The following KIFC1 variants were observed in gnomAD, a reference collection of about 807,000 sequenced individuals.
KIFC1 encodes the protein kinesin family member C1.
In KIFC1, 37 loss-of-function variants were observed where a neutral mutation model predicts 66.6. The observed-to-expected ratio is 0.56, with a 90% CI of 0.43 to 0.73. The LOEUF is 0.73. KIFC1 is among the 30% of genes least tolerant of loss of function. KIFC1 has a pLI of 0.00. For synonymous variants in KIFC1, 325 were observed against 343.5 expected (o/e 0.95, Z 0.60); for missense variants, 721 against 859.8 (o/e 0.84, Z 2.02).
At position 33,406,254 on chromosome 6, in the gene KIFC1, A is replaced by G. The variant is rs761826546; in HGVS notation, c.1595A>G (p.Asn532Ser). The change falls in exon 8 of 11, where the codon AAT becomes AGT. Residue 532 changes from asparagine (N) to serine (S), a missense_variant. Transcript: ENST00000428849. The surrounding 1 kb of genome is among the most constrained non-coding windows in gnomAD (Gnocchi z 4.5). ...CGGGCTGTGGCCCGCACAGCCCAGAATGAACGGTCATCACGCAGCCACAGT... is the reference window on the plus strand; with the variant it reads ...CGGGCTGTGGCCCGCACAGCCCAGAGTGAACGGTCATCACGCAGCCACAGT... ...QNRAVARTAQ[N>S]ERSSRSHSVF... 5.0e-6 allele frequency: 8 copies of G among 1,614,066 alleles called. No homozygotes were observed. In the Admixed American group the frequency reaches 1.2e-4, roughly 24 times the overall value.
rs1775838864 is a variant in KIFC1 at position 33,409,706 on chromosome 6, T to TGTGTGTG, written c.*17_*23dup. On this transcript the variant is annotated 3_prime_UTR_variant, in exon 11 of 11. Transcript: ENST00000428849. ...CAGGAAGTGAAGACGGATCCAGATCTGTGTGTGTGTGTGTGTGTGTGTGTG... is the reference window on the plus strand; with the variant it reads ...CAGGAAGTGAAGACGGATCCAGATCTGTGTGTGGTGTGTGTGTGTGTGTGTGTGTGTG... 1 of 151,446 alleles carries TGTGTGTG rather than the reference T, an allele frequency of 6.6e-6. No individual in the cohort carries two copies. The highest frequency in any genetic ancestry group is 2.0e-4 in the African/African-American group (1 of 4,880). The allele number at this position is 151,446 out of a possible 1,614,324, so 9.4% of individuals were successfully genotyped here. A position where few individuals can be genotyped will look rare whatever the true frequency, so the allele number is the denominator to read the frequency against.
At position 33,404,640 on chromosome 6, in the gene KIFC1, C is replaced by T. The variant is rs1775548199; in HGVS notation, c.757-212C>T. Among the ~76,000 whole-genome samples the T allele has an allele frequency of 6.6e-6, 1 of 152,180 alleles. No homozygotes were observed. The highest frequency in any genetic ancestry group is 6.5e-5 in the Admixed American group (1 of 15,278). ...TTCTGGGTGTCACCCTAGATATCAT[C>T]TTCCTTGTGCTCCTCTTTGTGCTTG... On this transcript the variant is annotated intron_variant, in intron 6 of 10. Coordinates refer to ENST00000428849, the MANE Select transcript of KIFC1 (RefSeq NM_002263.4). This position sits in a 1 kb window ranked among gnomAD's most constrained non-coding sequence, Gnocchi z 4.0.
chr6:33,396,213 C>T (rs995904437), intron 1 of KIFC1, among the ~76,000 whole-genome samples: 24 of 152,110 alleles, frequency 1.6e-4, no homozygotes, highest in Non-Finnish European at 1.5e-5. Flanking sequence ...CTCACTTTCC[C>T]AAAATTGAAC....
At chr6:33,391,780 G>A (rs1021279585), upstream of KIFC1, 5 of 659,822 alleles carry the variant, frequency 7.6e-6, no homozygotes, top group Non-Finnish European at 1.1e-5. Context: ...AGCGACGATT[G>A]GTCCCTGCGT....
intron 3 of KIFC1, among the ~76,000 whole-genome samples, chr6:33,399,087 G>A (rs370751572): frequency 1.3e-5 from 2 of 152,098 alleles, no homozygotes; most frequent in Non-Finnish European, 2.9e-5. Flanking sequence ...ACCAACCATC[G>A]GTTGAAAATA....
At chr6:33,391,603 A>C (rs1449909042), upstream of KIFC1, 2 of 370,664 alleles carry the variant, frequency 5.4e-6, no homozygotes, top group East Asian at 7.0e-5. Context: ...GTCCAGCACT[A>C]TTGCCGCTAG....
Position 33,403,692 on chromosome 6 carries a change from A to G in KIFC1, c.356-37A>G, listed in dbSNP as rs759861366. 4.4e-6 allele frequency: 7 copies of G among 1,603,072 alleles called. No individual in the cohort carries two copies. Among genetic ancestry groups the G allele is most frequent in the Admixed American group, 1.7e-5 (1 of 59,414 alleles). ...AAGGGAGGAGGGATAGAGAGCCTAG[A>G]CTTCACTGACCTTTGTCCTTTCTGT... On this transcript the variant is annotated intron_variant, in intron 5 of 10. Coordinates refer to ENST00000428849, the MANE Select transcript of KIFC1 (RefSeq NM_002263.4). The surrounding 1 kb of genome is among the most constrained non-coding windows in gnomAD (Gnocchi z 4.6).
chr6:33,396,898 G>A (rs1421596923), intron 1 of KIFC1, among the ~76,000 whole-genome samples: 1 of 151,746 alleles, frequency 6.6e-6, no homozygotes, highest in African/African-American at 2.4e-5. Flanking sequence ...TAGCTAGGAT[G>A]GTCTTGATCT....
At position 33,405,425 on chromosome 6, in the gene KIFC1, G is replaced by A; in HGVS notation, c.1330G>A (p.Val444Met). The A allele has an allele frequency of 6.2e-7, 1 of 1,604,326 alleles. No homozygotes were observed. Among genetic ancestry groups the A allele is most frequent in the Non-Finnish European group, 8.5e-7 (1 of 1,173,818 alleles). ...TCGGGCCCTGCGGCACCTCTTCTCT[G>A]TGGCTCAGGAGCTGAGTGGTCAGGG... ...IPRALRHLFS[V>M]AQELSGQGWT... Residue 444 changes from valine to methionine, a missense_variant, in exon 7 of 11, where the codon GTG (valine) becomes ATG (methionine). Coordinates refer to ENST00000428849, the MANE Select transcript of KIFC1 (RefSeq NM_002263.4). The surrounding 1 kb of genome is among the most constrained non-coding windows in gnomAD (Gnocchi z 5.4).
chr6:33,406,641 ACT>A lies in KIFC1; in HGVS notation c.1882_1883del (p.Leu628GlyfsTer3), dbSNP rs1256701718. Reference sequence around the variant, plus strand: ...AGCAAACTGACCTACCTGCTGCAGAACTCTCTGGGTGGTAGTGCTAAGATGTG... The same window carrying A: ...AGCAAACTGACCTACCTGCTGCAGAACTCTGGGTGGTAGTGCTAAGATGTG... On this transcript the variant is annotated frameshift_variant, in exon 9 of 11. Transcript: ENST00000428849. LOFTEE classifies it high-confidence loss of function. The surrounding 1 kb of genome is among the most constrained non-coding windows in gnomAD (Gnocchi z 4.5). 4.3e-6 allele frequency: 7 copies of A among 1,613,764 alleles called. No individual in the cohort carries two copies. The highest frequency in any genetic ancestry group is 5.1e-6 in the Non-Finnish European group (6 of 1,179,950).
chr6:33,409,824 A>G lies in KIFC1; in HGVS notation c.*134A>G, dbSNP rs1775860153. The G allele has an allele frequency of 6.9e-6, 6 of 875,642 alleles. No homozygotes were observed. The highest frequency in any genetic ancestry group is 1.1e-5 in the Non-Finnish European group (6 of 545,552). The allele number at this position is 875,642 out of a possible 1,614,324, so 54.2% of individuals were successfully genotyped here. On this transcript the variant is annotated 3_prime_UTR_variant, in exon 11 of 11. Transcript: ENST00000428849. ...GGTGCTTTATTGGGTGGAGGGCACC[A>G]TGTCCCAGGGCTATCAAATAAAGAA...
intron 10 of KIFC1, 49 bp from the exon 11 acceptor site, chr6:33,409,597 G>C (rs373575912): frequency 3.2e-6 from 5 of 1,568,206 alleles, no homozygotes; most frequent in East Asian, 4.5e-5. Flanking sequence ...GAAAAATGTT[G>C]TATTGGTTAC....
chr6:33,404,101 G>T lies in KIFC1; in HGVS notation c.728G>T (p.Gly243Val), dbSNP rs144374629. 4 of 1,613,308 alleles carry T rather than the reference G, an allele frequency of 2.5e-6. No homozygotes were observed. In the African/African-American group the frequency reaches 4.0e-5, roughly 16 times the overall value. ...KQVELQEERR[G>V]LMSQLEEKER... ...GTGGAATTGCAGGAAGAACGGAGGG[G>T]ACTGATGTCCCAACTAGAGGAGAAG... Residue 243 changes from glycine to valine, a missense_variant, in exon 6 of 11, where the codon GGA (glycine) becomes GTA (valine). Gly to Val is a moderately radical substitution (Grantham distance 109, BLOSUM62 -3). Transcript: ENST00000428849. This position sits in a 1 kb window ranked among gnomAD's most constrained non-coding sequence, Gnocchi z 4.0.
At position 33,399,377 on chromosome 6, in the gene KIFC1, C is replaced by CA. The variant is rs879678064; in HGVS notation, c.250+1001dup. 3.5e-3 allele frequency among the ~76,000 whole-genome samples: 464 copies of CA among 133,734 alleles called. 2 individuals are homozygous for CA. The highest frequency in any genetic ancestry group is 0.011 in the Middle Eastern group (3 of 262). The allele number at this position is 133,734 out of a possible 152,430, so 87.7% of individuals were successfully genotyped here. A position where few individuals can be genotyped will look rare whatever the true frequency, so the allele number is the denominator to read the frequency against. On this transcript the variant is annotated intron_variant, in intron 3 of 10. Coordinates refer to ENST00000428849, the MANE Select transcript of KIFC1 (RefSeq NM_002263.4). The stretch of plus-strand genomic sequence containing the variant: ...CTGGCGACAGAGCGAGACTCGGTCT[C>CA]AAAAAAAAAAATGAGAAAATATTCA...
In KIFC1 at chr6:33,406,209, T is replaced by C; in HGVS notation, c.1550T>C (p.Leu517Pro). ...TCCCATCCCCAGGTGGACGCCCTGC[T>C]TCATCTGGCCCGCCAGAATCGGGCT... is the stretch of plus-strand genomic sequence containing the variant. ...VSCEKEVDALLHLARQNRAVA... is the reference protein window; with the variant it reads ...VSCEKEVDALPHLARQNRAVA... Residue 517 changes from leucine (L) to proline (P), a missense_variant, in exon 8 of 11, where the codon CTT (leucine) becomes CCT (proline). Transcript: ENST00000428849. This position sits in a 1 kb window ranked among gnomAD's most constrained non-coding sequence, Gnocchi z 4.5. 6.2e-7 allele frequency: 1 copy of C among 1,606,170 alleles called. No homozygotes were observed. The highest frequency in any genetic ancestry group is 1.1e-5 in the South Asian group (1 of 90,692).
chr6:33,400,836 T>C lies in KIFC1; in HGVS notation c.250+2449T>C, dbSNP rs1346287449. Among the ~76,000 whole-genome samples, 1 of 152,144 alleles carries C rather than the reference T, an allele frequency of 6.6e-6. No homozygotes were observed. Among genetic ancestry groups the C allele is most frequent in the African/African-American group, 2.4e-5 (1 of 41,444 alleles). ...TAATTTTGTTTTTTTGTATTTTTAATAGAGACAGGGTTTCACCATGTTAGC... is the reference window on the plus strand; with the variant it reads ...TAATTTTGTTTTTTTGTATTTTTAACAGAGACAGGGTTTCACCATGTTAGC... On this transcript the variant is annotated intron_variant, in intron 3 of 10. Transcript: ENST00000428849. This position sits in a 1 kb window ranked among gnomAD's most constrained non-coding sequence, Gnocchi z 4.3.
chr6:33,409,738 TG>T lies in KIFC1; in HGVS notation c.*49del. On this transcript the variant is annotated 3_prime_UTR_variant, in exon 11 of 11. Coordinates refer to ENST00000428849, the MANE Select transcript of KIFC1 (RefSeq NM_002263.4). ...GTGTGTGTGTGTGTGTGTGTGTGTG[TG>T]TGTGTGTGTGTGTGTCCCTATGTCT... The T allele has an allele frequency of 5.7e-6, 8 of 1,412,600 alleles. No homozygotes were observed. The highest frequency in any genetic ancestry group is 7.9e-6 in the Non-Finnish European group (8 of 1,018,298). The allele number at this position is 1,412,600 out of a possible 1,614,324, so 87.5% of individuals were successfully genotyped here.
Position 33,391,957 on chromosome 6 carries a change from C to A in KIFC1, c.-29C>A. ...GCACCCAGTTCTCTTCCACTGCATT[C>A]CCCCGGCGCGTGTGGGACCGAGGTG... is the stretch of plus-strand genomic sequence containing the variant. On this transcript the variant is annotated 5_prime_UTR_variant, in exon 1 of 11. Transcript: ENST00000428849. 2 of 1,613,608 alleles carry A rather than the reference C, an allele frequency of 1.2e-6. No homozygotes were observed. The highest frequency in any genetic ancestry group is 1.7e-6 in the Non-Finnish European group (2 of 1,179,740).
In KIFC1 at chr6:33,406,460, C is replaced by T. The variant is rs1271216006; in HGVS notation, c.1801C>T (p.Leu601=). ...TAACAGCAGCCTGTCCACGCTGGGG[C>T]TGGTTATCATGGCCCTGAGCAACAA... is the stretch of plus-strand genomic sequence containing the variant. ...AINSSLSTLG[L]VIMALSNKES... Residue 601 remains leucine, a synonymous_variant, in exon 8 of 11, where the codon CTG becomes TTG. Transcript: ENST00000428849. The surrounding 1 kb of genome is among the most constrained non-coding windows in gnomAD (Gnocchi z 4.5). 6.3e-7 allele frequency: 1 copy of T among 1,598,116 alleles called. No homozygotes were observed. Among genetic ancestry groups the T allele is most frequent in the Non-Finnish European group, 8.5e-7 (1 of 1,169,756 alleles).
Sources: allele counts gnomAD v4.1 joint callset (sites outside exome capture counted in the v4.1 genomes callset), GRCh38; gene constraint gnomAD v4.1.1; non-coding constraint Gnocchi (gnomAD v3.1); transcripts MANE v1.5; gene names NCBI Gene and HGNC (gene_info 2026-07-23, HGNC 2026-07-21).